The following GLIS3 variants were observed in gnomAD, a reference collection of about 807,000 sequenced individuals.
GLIS3 encodes GLIS family zinc finger 3, also known as zinc finger protein GLIS3.
A neutral mutation model predicts 78.6 loss-of-function variants in GLIS3; 53 were observed. The observed-to-expected ratio is 0.67, with a 90% CI of 0.54 to 0.85. The LOEUF (loss-of-function observed/expected upper bound fraction) is 0.85. Among genes scored for constraint, GLIS3 ranks in the 40% least tolerant of loss-of-function variants. GLIS3 has a pLI of 0.00. For missense variants in GLIS3, 1,703 were observed against 1,231.1 expected (o/e 1.38, Z -5.74); for synonymous variants, 684 against 509.9 (o/e 1.34, Z -4.60).
intron 2 of GLIS3, among the ~76,000 whole-genome samples, chr9:4,317,456 T>C (rs1164226501): frequency 6.6e-6 from 1 of 152,260 alleles, no homozygotes; most frequent in Non-Finnish European, 1.5e-5. Flanking sequence ...AAGGCATTTG[T>C]AATTGGTATG....
chr9:4,320,960 C>T (rs1452046244), intron 2 of GLIS3, among the ~76,000 whole-genome samples: 2 of 152,044 alleles, frequency 1.3e-5, no homozygotes, highest in African/African-American at 4.8e-5. Context: ...GCTCCCACAG[C>T]TCTCGAGATA....
At chr9:3,854,393 G>A (rs923956811) in intron 9 of GLIS3, among the ~76,000 whole-genome samples, 10 of 152,230 alleles carry the variant, frequency 6.6e-5, no homozygotes, top group African/African-American at 2.4e-4. Context: ...GAGGGTTTGT[G>A]TGGCTACACT....
intron 2 of GLIS3, among the ~76,000 whole-genome samples, chr9:4,185,747 G>T (rs923638841): frequency 6.6e-6 from 1 of 152,098 alleles, no homozygotes; most frequent in South Asian, 2.1e-4. Context: ...TCAGCACAAG[G>T]CATCAGTTAG....
At chr9:3,855,986 G>T (rs1388910702) in intron 9 of GLIS3, 23 bp downstream of exon 9, 26 of 1,613,664 alleles carry the variant, frequency 1.6e-5, no homozygotes, top group Non-Finnish European at 2.1e-5. Flanking sequence ...CAAAACTCAA[G>T]GGACTGCCAG....
chr9:4,334,462 TG>T (rs753527817), intron 2 of GLIS3, among the ~76,000 whole-genome samples: 2 of 152,264 alleles, frequency 1.3e-5, no homozygotes, highest in South Asian at 4.1e-4. Flanking sequence ...CTGAAACAAT[TG>T]TAGTGCAAAT....
chr9:4,058,091 G>A (rs1826297154), intron 4 of GLIS3, among the ~76,000 whole-genome samples: 2 of 152,156 alleles, frequency 1.3e-5, no homozygotes, highest in South Asian at 4.1e-4. Context: ...CTGATGCATG[G>A]ATTGTACCAA....
chr9:4,158,337 G>A (rs1176204865), intron 2 of GLIS3, among the ~76,000 whole-genome samples: 1 of 152,140 alleles, frequency 6.6e-6, no homozygotes, highest in Non-Finnish European at 1.5e-5. Flanking sequence ...TGTCCAAAGA[G>A]GGCAGAGGTC....
intron 2 of GLIS3, among the ~76,000 whole-genome samples, chr9:4,211,271 T>G (rs1393058062): frequency 6.6e-6 from 1 of 152,236 alleles, no homozygotes; most frequent in African/African-American, 2.4e-5. Flanking sequence ...AAGGTCCACT[T>G]GGCTCCACTT....
At chr9:3,844,809 T>C (rs530242300) in intron 9 of GLIS3, among the ~76,000 whole-genome samples, 4 of 152,294 alleles carry the variant, frequency 2.6e-5, no homozygotes, top group African/African-American at 9.6e-5. Flanking sequence ...AATGAAAATA[T>C]AAAAAGATGC....
chr9:4,284,464 AC>A (rs1424414501), intron 2 of GLIS3, among the ~76,000 whole-genome samples: 5 of 152,170 alleles, frequency 3.3e-5, no homozygotes, highest in Admixed American at 6.5e-5. Context: ...TTAACTTGCC[AC>A]ATCATGGACA....
At chr9:4,159,389 T>G (rs1314208719) in intron 2 of GLIS3, among the ~76,000 whole-genome samples, 1 of 152,220 alleles carries the variant, frequency 6.6e-6, no homozygotes, top group African/African-American at 2.4e-5. Flanking sequence ...CTCTCAATGC[T>G]GGAGAAGGTA....
intron 1 of GLIS3, chr9:4,347,311 ACTCATGAGGGATCTGCC>A (rs1817908913): frequency 6.6e-6 from 1 of 151,926 alleles, no homozygotes; most frequent in Non-Finnish European, 1.5e-5. Context: ...GCATTAATCT[ACTCATGAGGGATCTGCC>A]CTCATGACCT....
At chr9:4,390,875 G>A in the GLIS3 span, among the ~76,000 whole-genome samples, 1 of 152,200 alleles carries the variant, frequency 6.6e-6, no homozygotes, top group African/African-American at 2.4e-5. Context: ...TAGAGAGCTG[G>A]AGGCAGAAAC....
At chr9:3,889,426 T>G (rs1039125671) in intron 7 of GLIS3, among the ~76,000 whole-genome samples, 68 of 152,310 alleles carry the variant, frequency 4.5e-4, no homozygotes, top group African/African-American at 1.6e-3. Context: ...ATTATCTGTT[T>G]TAAATATTGG....
intron 4 of GLIS3, among the ~76,000 whole-genome samples, chr9:4,038,425 T>G (rs780278128): frequency 6.6e-6 from 1 of 152,200 alleles, no homozygotes; most frequent in Non-Finnish European, 1.5e-5. Flanking sequence ...TAAAGGCCAT[T>G]CTGGAACTCA....
chr9:4,411,686 C>A, the GLIS3 span, among the ~76,000 whole-genome samples: 8 of 152,148 alleles, frequency 5.3e-5, no homozygotes, highest in African/African-American at 1.9e-4. Context: ...CTTAACTTCT[C>A]TTCTGCAACA....
the GLIS3 span, among the ~76,000 whole-genome samples, chr9:4,427,171 G>C: frequency 1.3e-5 from 2 of 152,214 alleles, no homozygotes; most frequent in Admixed American, 6.5e-5. Flanking sequence ...GGAACAGTAA[G>C]TTGGATGCTC....
the GLIS3 span, among the ~76,000 whole-genome samples, chr9:4,468,760 T>A: frequency 1.3e-5 from 2 of 152,170 alleles, 1 homozygote; most frequent in Admixed American, 1.3e-4. Flanking sequence ...AACATCATAA[T>A]GACAGGATCA....
intron 3 of GLIS3, 145 bp downstream of exon 3, chr9:4,125,589 A>G (rs1392920278): frequency 1.4e-6 from 1 of 727,290 alleles, no homozygotes; most frequent in African/African-American, 1.7e-5. Flanking sequence ...ATATTCCCCT[A>G]CAAACCTCAA....
Sources: allele counts gnomAD v4.1 joint callset (sites outside exome capture counted in the v4.1 genomes callset), GRCh38; gene constraint gnomAD v4.1.1; transcripts MANE v1.5; gene names NCBI Gene and HGNC (gene_info 2026-07-23, HGNC 2026-07-21).